IRAG1: variants seen among roughly 807,000 people sequenced by gnomAD.
The protein encoded by IRAG1 is inositol 1,4,5-triphosphate receptor associated 1.
In IRAG1, 62 loss-of-function variants were observed where a neutral mutation model predicts 106.2. The ratio of observed to expected loss-of-function variants is 0.58; its 90% CI spans 0.48 to 0.72. The LOEUF (loss-of-function observed/expected upper bound fraction) is 0.72. IRAG1 is among the 30% of genes least tolerant of loss of function. IRAG1 has a pLI of 0.00. For missense variants in IRAG1, 1,064 were observed against 1,140.7 expected (o/e 0.93, Z 0.97); for synonymous variants, 462 against 443.9 (o/e 1.04, Z -0.51).
At chr11:10,630,615 C>G (rs543507603) in intron 4 of IRAG1, among the ~76,000 whole-genome samples, 123 of 152,344 alleles carry the variant, frequency 8.1e-4, no homozygotes, top group African/African-American at 2.8e-3. Context: ...AGAGCCACAT[C>G]TGGCCATGCC....
chr11:10,692,516 C>A (rs1305813617), intron 1 of IRAG1, among the ~76,000 whole-genome samples: 1 of 143,854 alleles, frequency 7.0e-6, no homozygotes, highest in African/African-American at 2.5e-5. Flanking sequence ...AGCATGTCAT[C>A]GTCCCTCGGT....
chr11:10,590,904 A>G (rs1852575620), intron 18 of IRAG1, among the ~76,000 whole-genome samples: 1 of 152,186 alleles, frequency 6.6e-6, no homozygotes, highest in African/African-American at 2.4e-5. Context: ...CCCTCTCACC[A>G]ACCCCAGGGA....
At chr11:10,643,205 C>T (rs1402097245) in intron 2 of IRAG1, among the ~76,000 whole-genome samples, 2 of 101,938 alleles carry the variant, frequency 2.0e-5, no homozygotes, top group Non-Finnish European at 4.2e-5. Flanking sequence ...AAAAAGGACT[C>T]TCTGGGGACT....
intron 11 of IRAG1, 86 bp from the exon 12 acceptor site, chr11:10,606,858 GT>G: frequency 7.8e-7 from 1 of 1,285,544 alleles, no homozygotes; most frequent in Non-Finnish European, 1.1e-6. Context: ...CAGACCATGT[GT>G]TTCCAGGGGT....
intron 10 of IRAG1, 33 bp downstream of exon 10, chr11:10,623,745 C>G (rs1237393988): frequency 6.2e-7 from 1 of 1,601,360 alleles, no homozygotes; most frequent in Non-Finnish European, 8.6e-7. Flanking sequence ...AATCAGCACT[C>G]GCTGAGACAG....
intron 1 of IRAG1, among the ~76,000 whole-genome samples, chr11:10,689,698 GT>G (rs1466056363): frequency 2.0e-5 from 3 of 152,162 alleles, no homozygotes; most frequent in Admixed American, 6.5e-5. Flanking sequence ...GAAAAATCAT[GT>G]TTTGGAGAAT....
intron 1 of IRAG1, chr11:10,687,883 G>A: frequency 4.8e-6 from 5 of 1,039,842 alleles, no homozygotes; most frequent in South Asian, 3.0e-5. Context: ...TTTTGGGGGG[G>A]GGTGGTATTT....
chr11:10,609,710 C>A lies in IRAG1; in HGVS notation c.1571+18G>T. The A allele has an allele frequency of 6.2e-7, 1 of 1,609,154 alleles. No individual in the cohort carries two copies. Among genetic ancestry groups the A allele is most frequent in the Non-Finnish European group, 8.5e-7 (1 of 1,179,312 alleles). ...CCACTCGGTACAGGGCCTTCTGTAACCCACATCCTGATTTTACCTTCCAGG... is the reference window on the plus strand; with the variant it reads ...CCACTCGGTACAGGGCCTTCTGTAAACCACATCCTGATTTTACCTTCCAGG... On this transcript the variant is annotated intron_variant, in intron 11 of 20. Coordinates refer to ENST00000423302, the MANE Select transcript of IRAG1 (RefSeq NM_130385.4).
At chr11:10,612,463 T>C (rs1345527022) in intron 10 of IRAG1, among the ~76,000 whole-genome samples, 2 of 151,972 alleles carry the variant, frequency 1.3e-5, no homozygotes, top group African/African-American at 4.8e-5. Context: ...ACACAAAATA[T>C]ACAATCCTCA....
intron 1 of IRAG1, among the ~76,000 whole-genome samples, chr11:10,677,430 G>A (rs914850385): frequency 6.6e-6 from 1 of 151,906 alleles, no homozygotes; most frequent in African/African-American, 2.4e-5. Flanking sequence ...AGGATCCCCT[G>A]GGATCCTTAC....
chr11:10,681,754 G>A (rs567881733), intron 1 of IRAG1, among the ~76,000 whole-genome samples: 4 of 152,276 alleles, frequency 2.6e-5, no homozygotes, highest in South Asian at 2.1e-4. Flanking sequence ...CACCAGGGAC[G>A]GATGCTGGAA....
chr11:10,594,739 G>A (rs540395170), intron 15 of IRAG1, among the ~76,000 whole-genome samples: 123 of 152,190 alleles, frequency 8.1e-4, no homozygotes, highest in Middle Eastern at 3.4e-3. Flanking sequence ...AATATGTTTA[G>A]CTTCATACCT....
chr11:10,601,056 T>C lies in IRAG1; in HGVS notation c.1879A>G (p.Lys627Glu). 1 of 1,613,906 alleles carries C rather than the reference T, an allele frequency of 6.2e-7. No individual in the cohort carries two copies. The highest frequency in any genetic ancestry group is 1.3e-5 in the African/African-American group (1 of 75,066). ...ACTTCCGTTGCTTTCGACATGCGCT[T>C]TTCCTGCGGGGAAGGAGCGCATGAG... is the stretch of plus-strand genomic sequence containing the variant. ...AEVVGAVRQE[K>E]RMSKATEVMM... The change falls in exon 15 of 21, where the codon AAG becomes GAG. Residue 627 changes from lysine to glutamate, a missense_variant. By Grantham distance (56) the Lys-to-Glu change is moderately conservative (BLOSUM62 1). Coordinates refer to ENST00000423302, the MANE Select transcript of IRAG1 (RefSeq NM_130385.4).
chr11:10,594,149 T>A lies in IRAG1; in HGVS notation c.2064A>T (p.Gly688=), dbSNP rs375909923. The A allele has an allele frequency of 6.2e-7, 1 of 1,607,794 alleles. No individual in the cohort carries two copies. Among genetic ancestry groups the A allele is most frequent in the African/African-American group, 1.3e-5 (1 of 74,948 alleles). The change falls in exon 16 of 21, where the codon GGA becomes GGT. Residue 688 remains glycine (G), a synonymous_variant. Coordinates refer to ENST00000423302, the MANE Select transcript of IRAG1 (RefSeq NM_130385.4). ...RTARSMSLTL[G]KNMPRRRVSV... is the part of the protein sequence containing the mutation. ...GGTATTCCTTGAACATGCATACCTT[T>A]CCCAGCGTGAGGGACATGGACCGTG...
chr11:10,623,752 A>G, intron 10 of IRAG1, 26 bp downstream of exon 10: 1 of 1,609,060 alleles, frequency 6.2e-7, no homozygotes, highest in African/African-American at 1.3e-5. Context: ...ACTCGCTGAG[A>G]CAGCATCTGC....
At chr11:10,690,495 A>C in intron 1 of IRAG1, 1 of 1,205,964 alleles carries the variant, frequency 8.3e-7, no homozygotes, top group Non-Finnish European at 1.1e-6. Flanking sequence ...CTCTGCTAAG[A>C]CTCTGAATTT....
At chr11:10,607,486 C>G (rs1854573296) in intron 11 of IRAG1, among the ~76,000 whole-genome samples, 1 of 152,220 alleles carries the variant, frequency 6.6e-6, no homozygotes. Context: ...CAGCTATAGG[C>G]AGTCCCTGCA....
rs761087124 is a variant in IRAG1 at position 10,581,939 on chromosome 11, A to T, written c.2288T>A (p.Leu763Gln). 9 of 1,613,798 alleles carry T rather than the reference A, an allele frequency of 5.6e-6. No homozygotes were observed. Among genetic ancestry groups the T allele is most frequent in the Non-Finnish European group, 7.6e-6 (9 of 1,179,836 alleles). ...AAGCTCCTCCAGGCAGCTCAGGGTCAGCGCAGGAGCAGAGGCTTCACAATC... is the reference window on the plus strand; with the variant it reads ...AAGCTCCTCCAGGCAGCTCAGGGTCTGCGCAGGAGCAGAGGCTTCACAATC... ...DPDCEASAPALTLSCLEELSQ... is the reference protein window; with the variant it reads ...DPDCEASAPAQTLSCLEELSQ... Residue 763 changes from leucine to glutamine, a missense_variant, in exon 19 of 21, where the codon CTG becomes CAG. Physicochemically the swap from Leu to Gln is moderately radical, Grantham distance 113. Coordinates refer to ENST00000423302, the MANE Select transcript of IRAG1 (RefSeq NM_130385.4).
At chr11:10,690,272 C>G (rs12421251) in intron 1 of IRAG1, 14,877 of 596,706 alleles carry the variant, frequency 0.025, 269 homozygotes, top group Middle Eastern at 0.047. Context: ...CACCTGTAAT[C>G]CCAGCTACTT....
Sources: allele counts gnomAD v4.1 joint callset (sites outside exome capture counted in the v4.1 genomes callset), GRCh38; gene constraint gnomAD v4.1.1; transcripts MANE v1.5; gene names NCBI Gene and HGNC (gene_info 2026-07-23, HGNC 2026-07-21).